Variants in KCNB2 observed in about 807,000 individuals in gnomAD.
The protein encoded by KCNB2 is delayed rectifier potassium channel protein.
In KCNB2, 15 loss-of-function variants were observed where a neutral mutation model predicts 61.5. The observed-to-expected ratio is 0.24, with a 90% CI of 0.16 to 0.38. KCNB2 has a LOEUF of 0.38. Among genes scored for constraint, KCNB2 ranks in the 10% least tolerant of loss-of-function variants. The pLI, the probability that KCNB2 is intolerant of heterozygous loss-of-function variation, is 1.00. For missense variants in KCNB2, 828 were observed against 1,125.2 expected (o/e 0.74, Z 3.78); for synonymous variants, 457 against 446.0 (o/e 1.02, Z -0.31).
intron 2 of KCNB2, among the ~76,000 whole-genome samples, chr8:72,799,028 G>A (rs1809077350): frequency 6.6e-6 from 1 of 152,128 alleles, no homozygotes; most frequent in South Asian, 2.1e-4. Context: ...ATCTCAACGG[G>A]AGTCTCAGAG....
At chr8:72,720,504 C>T (rs533116512) in intron 2 of KCNB2, among the ~76,000 whole-genome samples, 1 of 151,998 alleles carries the variant, frequency 6.6e-6, no homozygotes, top group Admixed American at 6.6e-5. Context: ...CCTTGCAAAA[C>T]TTTTCCCGAC....
chr8:72,542,274 A>T (rs1050328955), intron 1 of KCNB2, among the ~76,000 whole-genome samples: 1 of 152,142 alleles, frequency 6.6e-6, no homozygotes, highest in African/African-American at 2.4e-5. Context: ...TATCCTCATG[A>T]TTGACATTTT....
chr8:72,694,586 G>T (rs1806988487), intron 2 of KCNB2, among the ~76,000 whole-genome samples: 1 of 152,056 alleles, frequency 6.6e-6, no homozygotes. Flanking sequence ...TTTAAAAAGT[G>T]TTCTCATATC....
chr8:72,825,709 T>A (rs1809585952), intron 2 of KCNB2, among the ~76,000 whole-genome samples: 1 of 152,248 alleles, frequency 6.6e-6, no homozygotes, highest in Non-Finnish European at 1.5e-5. Context: ...GAGAAATGTC[T>A]GTCTAATTTC....
At chr8:72,864,634 C>T (rs955047824) in intron 2 of KCNB2, among the ~76,000 whole-genome samples, 2 of 152,104 alleles carry the variant, frequency 1.3e-5, no homozygotes. Context: ...CTGTGAATAC[C>T]GATGTGTGCT....
At chr8:72,811,061 C>T (rs1004872347) in intron 2 of KCNB2, among the ~76,000 whole-genome samples, 1 of 151,772 alleles carries the variant, frequency 6.6e-6, no homozygotes, top group Non-Finnish European at 1.5e-5. Flanking sequence ...CCTACCTTCT[C>T]GATCATTTCT....
chr8:72,887,040 T>C (rs117282656), intron 2 of KCNB2, among the ~76,000 whole-genome samples: 24 of 152,300 alleles, frequency 1.6e-4, no homozygotes, highest in South Asian at 1.4e-3. Flanking sequence ...ATTCTGTTTA[T>C]GGTTGATCTG....
intron 2 of KCNB2, among the ~76,000 whole-genome samples, chr8:72,842,078 C>T (rs536656392): frequency 1.1e-3 from 159 of 150,948 alleles, no homozygotes; most frequent in African/African-American, 3.8e-3. Context: ...ACAAATAGCT[C>T]TTATTATTTT....
intron 1 of KCNB2, among the ~76,000 whole-genome samples, chr8:72,541,480 C>T (rs913492613): frequency 3.3e-5 from 5 of 152,082 alleles, no homozygotes; most frequent in Non-Finnish European, 7.4e-5. Flanking sequence ...AACCTAGGTG[C>T]TCTGGCTTCA....
At chr8:72,805,137 A>G (rs958860092) in intron 2 of KCNB2, among the ~76,000 whole-genome samples, 1 of 152,208 alleles carries the variant, frequency 6.6e-6, no homozygotes, top group African/African-American at 2.4e-5. Context: ...GTGCGTTCAT[A>G]CACACGAAGT....
chr8:72,808,935 T>C (rs1317716292), intron 2 of KCNB2, among the ~76,000 whole-genome samples: 1 of 152,212 alleles, frequency 6.6e-6, no homozygotes, highest in Non-Finnish European at 1.5e-5. Flanking sequence ...GTTCACACAA[T>C]TCTAATTTTG....
chr8:72,544,248 T>C (rs565726498), intron 1 of KCNB2, among the ~76,000 whole-genome samples: 29 of 152,242 alleles, frequency 1.9e-4, no homozygotes, highest in African/African-American at 6.7e-4. Context: ...AAGGTCAGCA[T>C]TGGCAGTTGT....
intron 1 of KCNB2, among the ~76,000 whole-genome samples, chr8:72,549,233 G>A (rs1444425292): frequency 1.3e-5 from 2 of 152,070 alleles, no homozygotes; most frequent in Non-Finnish European, 2.9e-5. Context: ...CTTGCTTGGG[G>A]CAATGCCACA....
intron 2 of KCNB2, among the ~76,000 whole-genome samples, chr8:72,787,419 AT>A (rs111694200): frequency 1.0e-4 from 15 of 150,096 alleles, no homozygotes; most frequent in Admixed American, 3.3e-4. Context: ...ATACATCTGA[AT>A]TTTTTTTTTG....
At chr8:72,810,375 T>C (rs1158932291) in intron 2 of KCNB2, among the ~76,000 whole-genome samples, 1 of 152,238 alleles carries the variant, frequency 6.6e-6, no homozygotes, top group Non-Finnish European at 1.5e-5. Flanking sequence ...TTGTGATCAC[T>C]GTCATCAGAA....
In KCNB2 at chr8:72,801,657, C is replaced by T. The variant is rs150916211; in HGVS notation, c.580-134278C>T. Among the ~76,000 whole-genome samples the T allele has an allele frequency of 8.5e-5, 13 of 152,080 alleles. No homozygotes were observed. In the East Asian group the frequency reaches 1.9e-3, roughly 23 times the overall value. Reference sequence around the variant, plus strand: ...ATTGAGTAAACTCTTCGCTATAATACGATACAGTGAGGACTGTGATAGAGG... The same window carrying T: ...ATTGAGTAAACTCTTCGCTATAATATGATACAGTGAGGACTGTGATAGAGG... On this transcript the variant is annotated intron_variant, in intron 2 of 2. Transcript: ENST00000523207.
intron 2 of KCNB2, among the ~76,000 whole-genome samples, chr8:72,765,094 C>T (rs1808440501): frequency 1.3e-5 from 2 of 152,152 alleles, no homozygotes; most frequent in Non-Finnish European, 2.9e-5. Flanking sequence ...CATCAGCAAA[C>T]CTTGTTTCTG....
At chr8:72,935,136 G>A (rs1459317670) in intron 2 of KCNB2, among the ~76,000 whole-genome samples, 1 of 152,100 alleles carries the variant, frequency 6.6e-6, no homozygotes, top group African/African-American at 2.4e-5. Flanking sequence ...GGTAAAGCCA[G>A]GGTCAGAGCT....
At chr8:72,825,524 G>T (rs995254455) in intron 2 of KCNB2, among the ~76,000 whole-genome samples, 1 of 152,220 alleles carries the variant, frequency 6.6e-6, no homozygotes, top group South Asian at 2.1e-4. Flanking sequence ...TAGTACACAG[G>T]GCTCCAATTT....
Sources: allele counts gnomAD v4.1 joint callset (sites outside exome capture counted in the v4.1 genomes callset), GRCh38; gene constraint gnomAD v4.1.1; transcripts MANE v1.5; gene names NCBI Gene and HGNC (gene_info 2026-07-23, HGNC 2026-07-21).